NRSN1: variants seen among roughly 807,000 people sequenced by gnomAD.
NRSN1 encodes neurensin-1.
A neutral mutation model predicts 17.3 loss-of-function variants in NRSN1; 14 were observed. The observed-to-expected ratio is 0.81, with a 90% CI of 0.54 to 1.27. NRSN1 has a LOEUF of 1.27. Ranked by LOEUF, NRSN1 falls within the 50% of genes most tolerant of loss-of-function variation. The probability of loss-of-function intolerance (pLI) is 0.00; values close to 1 mark genes in which losing one functional copy is unlikely to be tolerated. For missense variants in NRSN1, 209 were observed against 235.9 expected (o/e 0.89, Z 0.75); for synonymous variants, 79 against 94.2 (o/e 0.84, Z 0.93).
intron 2 of NRSN1, among the ~76,000 whole-genome samples, chr6:24,130,676 T>A (rs1166340779): frequency 3.3e-5 from 5 of 152,146 alleles, no homozygotes; most frequent in South Asian, 4.1e-4. Flanking sequence ...TAGTAGCAAG[T>A]AACTAACCTA....
chr6:24,127,898 C>T (rs1349940972), intron 1 of NRSN1, among the ~76,000 whole-genome samples: 1 of 151,828 alleles, frequency 6.6e-6, no homozygotes, highest in African/African-American at 2.4e-5. Flanking sequence ...TTACAAAGCC[C>T]TTTTATGTCA....
intron 3 of NRSN1, among the ~76,000 whole-genome samples, chr6:24,134,903 A>G (rs960580779): frequency 4.6e-5 from 7 of 152,216 alleles, no homozygotes; most frequent in African/African-American, 1.2e-4. Flanking sequence ...AAAAGAAATC[A>G]TTAGGTATTT....
At position 24,146,232 on chromosome 6, in the gene NRSN1, G is replaced by A. The variant is rs1163120513; in HGVS notation, c.*286G>A. On this transcript the variant is annotated 3_prime_UTR_variant, in exon 4 of 4. Coordinates refer to ENST00000378491, the MANE Select transcript of NRSN1 (RefSeq NM_080723.5). ...CCTCTTTCATAGATCGTGACTTTGT[G>A]TTATTTTCCGTGTTGTTTGAAAGTG... 1 of 635,944 alleles carries A rather than the reference G, an allele frequency of 1.6e-6. No homozygotes were observed. The highest frequency in any genetic ancestry group is 1.8e-5 in the African/African-American group (1 of 55,798). 39.4% of individuals were successfully genotyped at this position (635,944 alleles called of 1,614,324 possible).
chr6:24,142,024 A>T (rs1423840709), intron 3 of NRSN1, among the ~76,000 whole-genome samples: 1 of 152,194 alleles, frequency 6.6e-6, no homozygotes, highest in Non-Finnish European at 1.5e-5. Flanking sequence ...TTGCTTGTAC[A>T]TTCAGAATTT....
At chr6:24,133,013 T>C (rs1023093536) in intron 2 of NRSN1, among the ~76,000 whole-genome samples, 1 of 152,220 alleles carries the variant, frequency 6.6e-6, no homozygotes, top group Admixed American at 6.5e-5. Context: ...AATTCCCTTA[T>C]TCAACAAAAT....
chr6:24,132,404 G>T (rs972616342), intron 2 of NRSN1, among the ~76,000 whole-genome samples: 1 of 152,150 alleles, frequency 6.6e-6, no homozygotes, highest in African/African-American at 2.4e-5. Context: ...TAAGTAATTG[G>T]AAACATTTAA....
chr6:24,145,485 GCTC>G lies in NRSN1; in HGVS notation c.190-62_190-60del. On this transcript the variant is annotated intron_variant, in intron 3 of 3. Transcript: ENST00000378491. This position sits in a 1 kb window ranked among gnomAD's most constrained non-coding sequence, Gnocchi z 4.4. Reference sequence around the variant, plus strand: ...AACAAGACAAGTGCTGCCCTTGAGGGCTCAGGGGCGAGCCGAAGCACCTTCCTC... The same window carrying G: ...AACAAGACAAGTGCTGCCCTTGAGGGAGGGGCGAGCCGAAGCACCTTCCTC... The G allele has an allele frequency of 7.6e-7, 1 of 1,315,548 alleles. No individual in the cohort carries two copies. Among genetic ancestry groups the G allele is most frequent in the East Asian group, 2.5e-5 (1 of 40,810 alleles). The allele number at this position is 1,315,548 out of a possible 1,614,324, so 81.5% of individuals were successfully genotyped here.
At chr6:24,139,033 T>C (rs1172804673) in intron 3 of NRSN1, among the ~76,000 whole-genome samples, 3 of 152,222 alleles carry the variant, frequency 2.0e-5, no homozygotes, top group Non-Finnish European at 4.4e-5. Context: ...TTATGGACTA[T>C]AGTCACCATG....
At position 24,134,366 on chromosome 6, in the gene NRSN1, A is replaced by G. The variant is rs1166292308; in HGVS notation, c.39A>G (p.Ala13=). Reference sequence around the variant, plus strand: ...GCAACGTCTGTGGGTCCAGGCAGGCACAGGCTGCAGCTGAGGGTGGTTACC... The same window carrying G: ...GCAACGTCTGTGGGTCCAGGCAGGCGCAGGCTGCAGCTGAGGGTGGTTACC... ...SCSNVCGSRQ[A]QAAAEGGYQR... The change falls in exon 3 of 4, where the codon GCA becomes GCG. Residue 13 remains alanine, a synonymous_variant. Coordinates refer to ENST00000378491, the MANE Select transcript of NRSN1 (RefSeq NM_080723.5). 6.2e-7 allele frequency: 1 copy of G among 1,614,052 alleles called. No homozygotes were observed. Among genetic ancestry groups the G allele is most frequent in the African/African-American group, 1.3e-5 (1 of 74,934 alleles).
At chr6:24,135,720 A>C (rs1303435078) in intron 3 of NRSN1, among the ~76,000 whole-genome samples, 1 of 152,224 alleles carries the variant, frequency 6.6e-6, no homozygotes, top group African/African-American at 2.4e-5. Flanking sequence ...ATATCAATCT[A>C]CGGCTCATAA....
At chr6:24,127,074 C>A (rs1036536294) in intron 1 of NRSN1, among the ~76,000 whole-genome samples, 6 of 151,136 alleles carry the variant, frequency 4.0e-5, no homozygotes, top group Admixed American at 3.3e-4. Context: ...AAATGTAATT[C>A]AGAGAGGCAG....
In NRSN1 at chr6:24,145,545, T is replaced by C. The variant is rs1466778126; in HGVS notation, c.190-3T>C. ...TCTTGCTTCTGTCATTATCTACCTGTAGGTTGGACTCATCTCAGGTACAGT... is the reference window on the plus strand; with the variant it reads ...TCTTGCTTCTGTCATTATCTACCTGCAGGTTGGACTCATCTCAGGTACAGT... On this transcript the variant is annotated splice_polypyrimidine_tract_variant and splice_region_variant and intron_variant, in intron 3 of 3. Coordinates refer to ENST00000378491, the MANE Select transcript of NRSN1 (RefSeq NM_080723.5). This position sits in a 1 kb window ranked among gnomAD's most constrained non-coding sequence, Gnocchi z 4.4. 3 of 1,571,532 alleles carry C rather than the reference T, an allele frequency of 1.9e-6. No individual in the cohort carries two copies. The highest frequency in any genetic ancestry group is 2.6e-6 in the Non-Finnish European group (3 of 1,155,532).
intron 3 of NRSN1, among the ~76,000 whole-genome samples, chr6:24,138,311 C>T (rs555865095): frequency 5.9e-5 from 9 of 152,150 alleles, no homozygotes; most frequent in South Asian, 4.1e-4. Context: ...CTATAAAAAT[C>T]GATGTAACAC....
chr6:24,133,063 TTAGTAAC>T (rs1760062254), intron 2 of NRSN1, among the ~76,000 whole-genome samples: 1 of 150,716 alleles, frequency 6.6e-6, no homozygotes, highest in Non-Finnish European at 1.5e-5. Flanking sequence ...TTAACCATGA[TTAGTAAC>T]AAAATCCATA....
chr6:24,126,916 ATGTT>A (rs1011969596), intron 1 of NRSN1, among the ~76,000 whole-genome samples: 2 of 151,862 alleles, frequency 1.3e-5, no homozygotes, highest in Non-Finnish European at 2.9e-5. Context: ...TTAACAGCTA[ATGTT>A]TGTTTGATTG....
chr6:24,140,850 C>G, intron 3 of NRSN1: 1 of 1,290,246 alleles, frequency 7.8e-7, no homozygotes, highest in South Asian at 3.1e-5. Context: ...CAGTCTCTGG[C>G]CTGTAGCCCC....
rs1760316064 is a variant in NRSN1, at chr6:24,146,884, A to C, written c.*938A>C. On this transcript the variant is annotated 3_prime_UTR_variant, in exon 4 of 4. Coordinates refer to ENST00000378491, the MANE Select transcript of NRSN1 (RefSeq NM_080723.5). ...TCTTGGGGAAATTATTTAACCTCTC[A>C]GTCCTAATTTTCCCCTTCTGTATAA... 1 of 152,272 alleles carries C rather than the reference A, an allele frequency of 6.6e-6. No homozygotes were observed. The highest frequency in any genetic ancestry group is 1.5e-5 in the Non-Finnish European group (1 of 68,116). The allele number at this position is 152,272 out of a possible 1,614,324, so 9.4% of individuals were successfully genotyped here.
At chr6:24,144,239 T>C (rs1249922643) in intron 3 of NRSN1, among the ~76,000 whole-genome samples, 1 of 152,214 alleles carries the variant, frequency 6.6e-6, no homozygotes, top group African/African-American at 2.4e-5. Flanking sequence ...GTCCATGACT[T>C]ACCCTCTCTG....
rs955744266 is a variant in NRSN1, at chr6:24,145,168, T to C, written c.190-380T>C. Among the ~76,000 whole-genome samples the C allele has an allele frequency of 7.0e-6, 1 of 143,696 alleles. No homozygotes were observed. The highest frequency in any genetic ancestry group is 7.2e-5 in the Admixed American group (1 of 13,980). The allele number at this position is 143,696 out of a possible 152,430, so 94.3% of individuals were successfully genotyped here. ...TATATAATATATATATCTTTGGACATATATATTATATAGATCTTTAGCTAT... is the reference window on the plus strand; with the variant it reads ...TATATAATATATATATCTTTGGACACATATATTATATAGATCTTTAGCTAT... On this transcript the variant is annotated intron_variant, in intron 3 of 3. Coordinates refer to ENST00000378491, the MANE Select transcript of NRSN1 (RefSeq NM_080723.5). This position sits in a 1 kb window ranked among gnomAD's most constrained non-coding sequence, Gnocchi z 4.4.
Sources: allele counts gnomAD v4.1 joint callset (sites outside exome capture counted in the v4.1 genomes callset), GRCh38; gene constraint gnomAD v4.1.1; non-coding constraint Gnocchi (gnomAD v3.1); transcripts MANE v1.5; gene names NCBI Gene and HGNC (gene_info 2026-07-23, HGNC 2026-07-21).